Variants in OCA2 observed in about 807,000 individuals in gnomAD.
OCA2 encodes the protein OCA2 melanosomal transmembrane protein.
OCA2 carries 77 observed loss-of-function variants against 100.2 expected under a neutral mutation model. That is an observed-to-expected ratio of 0.77 (90% CI 0.64 to 0.93). OCA2 has a LOEUF of 0.93. Among genes scored for constraint, OCA2 ranks in the 40% least tolerant of loss-of-function variants. The pLI is 0.00. For missense variants in OCA2, 1,062 were observed against 1,089.1 expected (o/e 0.98, Z 0.35); for synonymous variants, 432 against 439.2 (o/e 0.98, Z 0.21).
intron 23 of OCA2, among the ~76,000 whole-genome samples, chr15:27,761,959 G>C (rs1167920555): frequency 2.0e-5 from 3 of 152,200 alleles, no homozygotes; most frequent in Non-Finnish European, 2.9e-5. Context: ...CAGCCAGCTG[G>C]AACTACAGGT....
At position 27,985,171 on chromosome 15, in the gene OCA2, C is replaced by G. The variant is rs941716338; in HGVS notation, c.1257G>C (p.Arg419=). 1 of 1,613,824 alleles carries G rather than the reference C, an allele frequency of 6.2e-7. No individual in the cohort carries two copies. The highest frequency in any genetic ancestry group is 8.5e-7 in the Non-Finnish European group (1 of 1,179,980). The change falls in exon 13 of 24, where the codon CGG becomes CGC. Residue 419 remains arginine, a synonymous_variant. Transcript: ENST00000354638. ...YCAVKAYRLS[R]GRVWAMIIML... is the part of the protein sequence containing the mutation. ...TGATGATCATGGCCCACACCCGTCC[C>G]CGGGAGAGCCGGTATGCCTGGCCAC...
At chr15:27,768,542 G>A (rs2031465522) in intron 23 of OCA2, among the ~76,000 whole-genome samples, 1 of 152,166 alleles carries the variant, frequency 6.6e-6, no homozygotes, top group Non-Finnish European at 1.5e-5. Context: ...AACAACTTAG[G>A]AAGTGCCAGT....
rs145832581 is a variant in OCA2, at chr15:27,938,928, A to T, written c.1952-12674T>A. Among the ~76,000 whole-genome samples, 1,481 of 152,198 alleles carry T rather than the reference A, an allele frequency of 9.7e-3. 31 individuals are homozygous for T. Among genetic ancestry groups the T allele is most frequent in the African/African-American group, 0.034 (1,432 of 41,530 alleles). Reference sequence around the variant, plus strand: ...CTCATGGAGAAGACAGCTCACATACAACTGCCGTGATGGACCTGTGACGGC... The same window carrying T: ...CTCATGGAGAAGACAGCTCACATACTACTGCCGTGATGGACCTGTGACGGC... On this transcript the variant is annotated intron_variant, in intron 18 of 23. Coordinates refer to ENST00000354638, the MANE Select transcript of OCA2 (RefSeq NM_000275.3).
chr15:27,831,948 G>A (rs1441790182), intron 23 of OCA2, among the ~76,000 whole-genome samples: 5 of 151,966 alleles, frequency 3.3e-5, no homozygotes, highest in African/African-American at 9.7e-5. Context: ...TCCAGTGCCC[G>A]CTCCCGAGGC....
chr15:28,093,292 G>A (rs1159057910), intron 1 of OCA2, among the ~76,000 whole-genome samples: 1 of 151,910 alleles, frequency 6.6e-6, no homozygotes, highest in Non-Finnish European at 1.5e-5. Context: ...TGTGGTGGCG[G>A]GCGCCTGTAA....
chr15:27,747,354 T>A, the OCA2 span, among the ~76,000 whole-genome samples: 2 of 152,210 alleles, frequency 1.3e-5, no homozygotes, highest in African/African-American at 4.8e-5. Context: ...TCTTCCTTAT[T>A]CTGGACTAAG....
intron 23 of OCA2, among the ~76,000 whole-genome samples, chr15:27,768,161 G>A (rs1019955048): frequency 1.3e-5 from 2 of 152,240 alleles, no homozygotes; most frequent in Non-Finnish European, 2.9e-5. Context: ...CAAGAAAGCA[G>A]GTCTGAGCTA....
chr15:27,985,211 A>C, intron 12 of OCA2, 23 bp from the exon 13 acceptor site: 1 of 1,613,364 alleles, frequency 6.2e-7, no homozygotes, highest in Non-Finnish European at 8.5e-7. Context: ...ACACAGAGAG[A>C]GTACAAGCCA....
chr15:28,032,497 T>C (rs765666330), intron 2 of OCA2, among the ~76,000 whole-genome samples: 2 of 152,042 alleles, frequency 1.3e-5, no homozygotes, highest in Non-Finnish European at 2.9e-5. Context: ...AAGAAAAACA[T>C]TCAGAGGGAC....
chr15:27,968,059 C>T (rs899388771), intron 14 of OCA2, among the ~76,000 whole-genome samples: 6 of 152,168 alleles, frequency 3.9e-5, no homozygotes, highest in Admixed American at 1.3e-4. Context: ...CTTTCGCTGA[C>T]GTCCTGGAAT....
intron 17 of OCA2, among the ~76,000 whole-genome samples, chr15:27,954,150 CACACACACA>C (rs375460789): frequency 0.48 from 70,440 of 147,668 alleles, 20,218 homozygotes; most frequent in Non-Finnish European, 0.66. Flanking sequence ...CACACACACA[CACACACACA>C]CCTAGGGTCA....
intron 23 of OCA2, among the ~76,000 whole-genome samples, chr15:27,784,304 T>C (rs67162626): frequency 0.14 from 20,666 of 152,088 alleles, 2,305 homozygotes; most frequent in East Asian, 0.59. Flanking sequence ...TTAGGGTGCA[T>C]TGAGGGTAAC....
intron 23 of OCA2, among the ~76,000 whole-genome samples, chr15:27,788,651 TAAAA>T (rs1168161266): frequency 6.6e-6 from 1 of 152,258 alleles, no homozygotes; most frequent in East Asian, 1.9e-4. Context: ...AACCCTTTTT[TAAAA>T]ATCTAGTTTG....
intron 11 of OCA2, among the ~76,000 whole-genome samples, chr15:27,989,388 T>C (rs1325359882): frequency 6.6e-6 from 1 of 152,238 alleles, no homozygotes; most frequent in Non-Finnish European, 1.5e-5. Context: ...GACTTCATCG[T>C]CAGACACGCC....
intron 19 of OCA2, among the ~76,000 whole-genome samples, chr15:27,911,165 G>A (rs1352954196): frequency 6.6e-6 from 1 of 152,014 alleles, no homozygotes; most frequent in African/African-American, 2.4e-5. Context: ...TCCCATCTTA[G>A]TCCATTTATG....
chr15:27,901,749 A>T (rs1261609483), intron 19 of OCA2, among the ~76,000 whole-genome samples: 1 of 152,218 alleles, frequency 6.6e-6, no homozygotes, highest in Non-Finnish European at 1.5e-5. Context: ...CATTGCACAG[A>T]TTTTTAAATG....
intron 23 of OCA2, among the ~76,000 whole-genome samples, chr15:27,788,208 T>G (rs1447373392): frequency 1.3e-5 from 2 of 152,090 alleles, no homozygotes; most frequent in African/African-American, 2.4e-5. Flanking sequence ...CTGCCTTTGT[T>G]GGGTTGACTA....
chr15:27,892,896 A>G (rs773054649), intron 19 of OCA2, among the ~76,000 whole-genome samples: 19 of 152,214 alleles, frequency 1.2e-4, no homozygotes, highest in Non-Finnish European at 2.8e-4. Context: ...CATATATTTC[A>G]GACATTAAAA....
intron 1 of OCA2, among the ~76,000 whole-genome samples, chr15:28,093,554 T>TAA (rs139752788): frequency 5.3e-5 from 8 of 151,474 alleles, no homozygotes; most frequent in African/African-American, 1.9e-4. Context: ...TGACAGTTTT[T>TAA]AAAAAAAAAC....
Sources: gnomAD v4.1 joint callset for allele counts (sites outside exome capture counted in the v4.1 genomes callset) on GRCh38, gnomAD v4.1.1 for gene constraint, MANE v1.5 for transcripts, NCBI Gene and HGNC (gene_info 2026-07-23, HGNC 2026-07-21) for gene names.